LMNTD1: variants seen among roughly 807,000 people sequenced by gnomAD.
The protein encoded by LMNTD1 is lamin tail domain containing 1.
A neutral mutation model predicts 50.9 loss-of-function variants in LMNTD1; 35 were observed. The observed-to-expected ratio is 0.69, with a 90% CI of 0.53 to 0.91. The LOEUF is 0.91. LMNTD1 is among the 40% of genes least tolerant of loss of function. The pLI, the probability that LMNTD1 is intolerant of heterozygous loss-of-function variation, is 0.00. For missense variants in LMNTD1, 470 were observed against 475.5 expected, an observed-to-expected ratio of 0.99 and a Z score of 0.11; for synonymous variants, 153 against 161.9, an observed-to-expected ratio of 0.94 and a Z score of 0.42.
intron 1 of LMNTD1, among the ~76,000 whole-genome samples, chr12:25,581,538 C>G (rs903880350): frequency 6.6e-6 from 1 of 151,414 alleles, no homozygotes; most frequent in African/African-American, 2.4e-5. Context: ...ATATATTACT[C>G]TTTTGATTAA....
intron 1 of LMNTD1, among the ~76,000 whole-genome samples, chr12:25,584,110 T>C (rs1945422745): frequency 6.6e-6 from 1 of 152,148 alleles, no homozygotes; most frequent in South Asian, 2.1e-4. Context: ...GCAGATTAGA[T>C]AGGAAGTGTA....
intron 1 of LMNTD1, among the ~76,000 whole-genome samples, chr12:25,585,748 CT>C (rs1418605431): frequency 6.6e-6 from 1 of 152,030 alleles, no homozygotes; most frequent in Non-Finnish European, 1.5e-5. Context: ...AAGTTTTTGC[CT>C]CAATTATCTT....
At position 25,539,211 on chromosome 12, in the gene LMNTD1, G is replaced by C. The variant is rs61926974; in HGVS notation, c.491+7163C>G. On this transcript the variant is annotated intron_variant, in intron 4 of 9. Coordinates refer to ENST00000458174, the MANE Select transcript of LMNTD1 (RefSeq NM_001145728.2). ...ATACCCAGGAATTGAACTCAGCTCT[G>C]CACCAAGCGGACCTAATAGACATCT... Among the ~76,000 whole-genome samples, 1,236 of 145,466 alleles carry C rather than the reference G, an allele frequency of 8.5e-3. 11 individuals are homozygous for C. Among genetic ancestry groups the C allele is most frequent in the Non-Finnish European group, 0.012 (776 of 65,926 alleles).
intron 8 of LMNTD1, among the ~76,000 whole-genome samples, chr12:25,510,241 G>T (rs1565951232): frequency 4.9e-5 from 7 of 142,516 alleles, no homozygotes; most frequent in Middle Eastern, 3.6e-3. Flanking sequence ...AATCCTTCCA[G>T]TTTTTTTTTT....
At chr12:25,537,414 C>A (rs1247034566) in intron 4 of LMNTD1, among the ~76,000 whole-genome samples, 3 of 152,186 alleles carry the variant, frequency 2.0e-5, no homozygotes, top group Non-Finnish European at 4.4e-5. Flanking sequence ...GGTCCCTGAC[C>A]CCTGACCCCC....
At chr12:25,645,327 G>T (rs1461924995) in intron 1 of LMNTD1, among the ~76,000 whole-genome samples, 1 of 152,156 alleles carries the variant, frequency 6.6e-6, no homozygotes, top group East Asian at 1.9e-4. Flanking sequence ...AATTGTGAAA[G>T]AGTGACAGCA....
intron 4 of LMNTD1, among the ~76,000 whole-genome samples, chr12:25,533,091 A>G (rs1366552080): frequency 6.6e-6 from 1 of 152,204 alleles, no homozygotes; most frequent in Non-Finnish European, 1.5e-5. Context: ...GCATATACAT[A>G]GAATAAATGT....
intron 8 of LMNTD1, among the ~76,000 whole-genome samples, chr12:25,511,873 T>C (rs1320906921): frequency 6.6e-6 from 1 of 152,214 alleles, no homozygotes; most frequent in African/African-American, 2.4e-5. Flanking sequence ...TGCCTCCTTG[T>C]GCTTTTAATA....
At chr12:25,561,117 A>G (rs1234490212) in intron 1 of LMNTD1, among the ~76,000 whole-genome samples, 12 of 151,990 alleles carry the variant, frequency 7.9e-5, no homozygotes, top group Non-Finnish European at 1.8e-4. Context: ...TGATTTTTTG[A>G]AGGGTTTTTT....
chr12:25,484,323 T>G (rs935937863), intron 9 of LMNTD1, among the ~76,000 whole-genome samples: 1 of 151,856 alleles, frequency 6.6e-6, no homozygotes, highest in Non-Finnish European at 1.5e-5. Context: ...GGTCTTGAAC[T>G]CCTGAGTTCA....
intron 8 of LMNTD1, among the ~76,000 whole-genome samples, chr12:25,514,225 G>C (rs1940561087): frequency 6.6e-6 from 1 of 152,138 alleles, no homozygotes; most frequent in Non-Finnish European, 1.5e-5. Flanking sequence ...CCAGACCCAA[G>C]CATAGGAGGG....
chr12:25,635,045 G>A (rs2136607977), intron 1 of LMNTD1, among the ~76,000 whole-genome samples: 1 of 152,098 alleles, frequency 6.6e-6, no homozygotes, highest in East Asian at 1.9e-4. Context: ...TTCGAGACCA[G>A]CCTGATCAAC....
intron 8 of LMNTD1, among the ~76,000 whole-genome samples, chr12:25,512,667 G>C (rs950820518): frequency 6.6e-6 from 1 of 152,096 alleles, no homozygotes; most frequent in African/African-American, 2.4e-5. Context: ...CTTAGGATAG[G>C]GGGAGGATAC....
chr12:25,550,854 G>A (rs1435651245), intron 2 of LMNTD1, among the ~76,000 whole-genome samples: 1 of 152,090 alleles, frequency 6.6e-6, no homozygotes, highest in Non-Finnish European at 1.5e-5. Flanking sequence ...GACATCTCAG[G>A]CAAATTTTTA....
chr12:25,527,809 A>G (rs1328430780), intron 4 of LMNTD1, among the ~76,000 whole-genome samples: 1 of 149,238 alleles, frequency 6.7e-6, no homozygotes, highest in Admixed American at 6.7e-5. Context: ...GTTCTCCACA[A>G]TTTCTTATCC....
At chr12:25,627,636 G>A (rs1946619825) in intron 1 of LMNTD1, among the ~76,000 whole-genome samples, 1 of 127,824 alleles carries the variant, frequency 7.8e-6, no homozygotes, top group African/African-American at 3.1e-5. Context: ...CTGAACGTGT[G>A]GATGCTTTCT....
At chr12:25,643,229 G>A (rs1245469561) in intron 1 of LMNTD1, among the ~76,000 whole-genome samples, 1 of 152,092 alleles carries the variant, frequency 6.6e-6, no homozygotes, top group African/African-American at 2.4e-5. Flanking sequence ...GATGAGCAGG[G>A]GAAGCCTTTC....
intron 1 of LMNTD1, among the ~76,000 whole-genome samples, chr12:25,643,125 A>G (rs1946987843): frequency 6.6e-6 from 1 of 152,224 alleles, no homozygotes; most frequent in Admixed American, 6.5e-5. Flanking sequence ...AAAAAAACAT[A>G]TAACATGGTA....
intron 9 of LMNTD1, among the ~76,000 whole-genome samples, chr12:25,501,828 G>C (rs2135940250): frequency 6.6e-6 from 1 of 151,430 alleles, no homozygotes. Flanking sequence ...GTCCGACTCA[G>C]GAGCTGATAG....
Sources: gnomAD v4.1 joint callset for allele counts (sites outside exome capture counted in the v4.1 genomes callset) on GRCh38, gnomAD v4.1.1 for gene constraint, MANE v1.5 for transcripts, NCBI Gene and HGNC (gene_info 2026-07-23, HGNC 2026-07-21) for gene names.